Variants in KCNQ1 observed in about 807,000 individuals in gnomAD.
The protein encoded by KCNQ1 is potassium voltage-gated channel subfamily Q member 1.
A neutral mutation model predicts 72.4 loss-of-function variants in KCNQ1; 49 were observed. That is an observed-to-expected ratio of 0.68 (90% CI 0.54 to 0.86). The LOEUF (loss-of-function observed/expected upper bound fraction) is 0.86. Among genes scored for constraint, KCNQ1 ranks in the 40% least tolerant of loss-of-function variants. KCNQ1 has a pLI of 0.00. For missense variants in KCNQ1, 790 were observed against 945.1 expected, an observed-to-expected ratio of 0.84 and a Z score of 2.15; for synonymous variants, 450 against 412.6, an observed-to-expected ratio of 1.09 and a Z score of -1.10.
At chr11:2,708,320 G>T (rs1299026427) in intron 11 of KCNQ1, among the ~76,000 whole-genome samples, 1 of 152,208 alleles carries the variant, frequency 6.6e-6, no homozygotes, top group African/African-American at 2.4e-5. Context: ...TGGCATGGCT[G>T]AGCGGAACTT....
chr11:2,693,144 C>G, intron 11 of KCNQ1: 1 of 398,684 alleles, frequency 2.5e-6, no homozygotes, highest in Non-Finnish European at 4.4e-6. Context: ...CCAGATAGCC[C>G]TCAGTCTACA....
At chr11:2,575,908 G>A (rs988278855) in intron 6 of KCNQ1, among the ~76,000 whole-genome samples, 1 of 152,238 alleles carries the variant, frequency 6.6e-6, no homozygotes, top group African/African-American at 2.4e-5. Flanking sequence ...AGCGAGGTGT[G>A]CACAGGGCCT....
At chr11:2,503,131 T>C (rs766262337) in intron 1 of KCNQ1, among the ~76,000 whole-genome samples, 5 of 152,184 alleles carry the variant, frequency 3.3e-5, no homozygotes, top group Non-Finnish European at 7.3e-5. Context: ...GGGCAAAGAC[T>C]GCTTGAGTAA....
At chr11:2,633,802 T>C (rs1039537682) in intron 10 of KCNQ1, 5 of 398,504 alleles carry the variant, frequency 1.3e-5, no homozygotes, top group Non-Finnish European at 2.2e-5. Flanking sequence ...CGAGACCCCC[T>C]GTATATACCA....
At chr11:2,797,240 GCCCCAGC>G (rs1343382734) in intron 15 of KCNQ1, among the ~76,000 whole-genome samples, 4 of 152,148 alleles carry the variant, frequency 2.6e-5, no homozygotes, top group East Asian at 1.9e-4. Context: ...GGCAGCGCTG[GCCCCAGC>G]CCCCAGCTCC....
chr11:2,610,310 T>C (rs1461106518), intron 10 of KCNQ1: 1 of 398,036 alleles, frequency 2.5e-6, no homozygotes, highest in Non-Finnish European at 4.4e-6. Context: ...GTGGTATTGT[T>C]ACATATATTA....
In KCNQ1 at chr11:2,445,160, C is replaced by T. The variant is rs1589884196; in HGVS notation, c.62C>T (p.Pro21Leu). The T allele has an allele frequency of 9.7e-6, 11 of 1,137,032 alleles. No individual in the cohort carries two copies. Among genetic ancestry groups the T allele is most frequent in the Non-Finnish European group, 1.1e-5 (10 of 924,006 alleles). 70.4% of individuals were successfully genotyped at this position (1,137,032 alleles called of 1,614,324 possible). A position where few individuals can be genotyped will look rare whatever the true frequency, so the allele number is the denominator to read the frequency against. The change falls in exon 1 of 16, where the codon CCA (proline) becomes CTA (leucine). Residue 21 changes from proline (P) to leucine (L), a missense_variant. Around this residue, in one of 5 missense-constraint regions of KCNQ1, gnomAD observed 294 missense variants for 323.3 expected, o/e 0.91. Transcript: ENST00000155840. The part of the protein sequence containing the change: ...ERKRWGWGRL[P>L]GARRGSAGLA... ...AAGCGCTGGGGTTGGGGCCGCCTGC[C>T]AGGCGCCCGGCGGGGCAGCGCGGGC...
At chr11:2,810,813 A>G (rs1221876318) in intron 15 of KCNQ1, among the ~76,000 whole-genome samples, 1 of 152,186 alleles carries the variant, frequency 6.6e-6, no homozygotes, top group African/African-American at 2.4e-5. Flanking sequence ...GAGGAACCCC[A>G]TATGTTAGAG....
rs1055413401 is a variant in KCNQ1, at chr11:2,766,039, C to G, written c.1515-2805C>G. ...TCACAGCTATTCTTTTCTACTCTGT[C>G]GTCCCTGCTATCCAACTCACCTATT... On this transcript the variant is annotated intron_variant, in intron 11 of 15. Transcript: ENST00000155840. This position sits in a 1 kb window ranked among gnomAD's most constrained non-coding sequence, Gnocchi z 4.4. Among the ~76,000 whole-genome samples, 1 of 152,120 alleles carries G rather than the reference C, an allele frequency of 6.6e-6. No homozygotes were observed. Among genetic ancestry groups the G allele is most frequent in the Non-Finnish European group, 1.5e-5 (1 of 68,020 alleles).
intron 11 of KCNQ1, among the ~76,000 whole-genome samples, chr11:2,709,532 G>A (rs763556931): frequency 5.9e-5 from 9 of 152,132 alleles, no homozygotes; most frequent in Non-Finnish European, 1.2e-4. Context: ...ACGATTCAAC[G>A]GTTTTTAGTA....
At chr11:2,574,803 C>T (rs889493152) in intron 6 of KCNQ1, among the ~76,000 whole-genome samples, 1 of 152,214 alleles carries the variant, frequency 6.6e-6, no homozygotes, top group African/African-American at 2.4e-5. Context: ...CATGCTGACA[C>T]AGCTCCTGGG....
At chr11:2,511,035 T>C (rs1007400823) in intron 1 of KCNQ1, among the ~76,000 whole-genome samples, 1 of 152,072 alleles carries the variant, frequency 6.6e-6, no homozygotes, top group Admixed American at 6.6e-5. Context: ...TCCCCATTGG[T>C]GGTGGTTTTA....
rs375384279 is a variant in KCNQ1, at chr11:2,671,872, G to A, written c.1514+9791G>A. 1.5e-5 allele frequency: 6 copies of A among 398,722 alleles called. No individual in the cohort carries two copies. The highest frequency in any genetic ancestry group is 7.1e-5 in the East Asian group (2 of 28,082). The allele number at this position is 398,722 out of a possible 1,614,324, so 24.7% of individuals were successfully genotyped here. On this transcript the variant is annotated intron_variant, in intron 11 of 15. Transcript: ENST00000155840. The surrounding 1 kb of genome is among the most constrained non-coding windows in gnomAD (Gnocchi z 4.7). ...CTGCCCCAGGGAGCCAAGCCCTGGA[G>A]AGGAGGTGGGCAGCACCAGGCAGCC...
rs1182992364 is a variant in KCNQ1, at chr11:2,746,500, C to T, written c.1515-22344C>T. On this transcript the variant is annotated intron_variant, in intron 11 of 15. Transcript: ENST00000155840. This position sits in a 1 kb window ranked among gnomAD's most constrained non-coding sequence, Gnocchi z 5.9. ...GGGCTCCTCTGGGCGGTGACTGTTTCCCAGGCTCTCCTTGTTGGTGGTGAC... is the reference window on the plus strand; with the variant it reads ...GGGCTCCTCTGGGCGGTGACTGTTTTCCAGGCTCTCCTTGTTGGTGGTGAC... Among the ~76,000 whole-genome samples the T allele has an allele frequency of 1.3e-5, 2 of 152,154 alleles. No homozygotes were observed. The highest frequency in any genetic ancestry group is 2.9e-5 in the Non-Finnish European group (2 of 68,014).
intron 2 of KCNQ1, among the ~76,000 whole-genome samples, chr11:2,558,285 G>A (rs781705975): frequency 1.3e-5 from 2 of 152,258 alleles, no homozygotes; most frequent in African/African-American, 2.4e-5. Flanking sequence ...CCCCCACGTG[G>A]ATTGAAATTC....
chr11:2,669,661 A>G lies in KCNQ1; in HGVS notation c.1514+7580A>G, dbSNP rs1850146093. 1 of 398,592 alleles carries G rather than the reference A, an allele frequency of 2.5e-6. No individual in the cohort carries two copies. Among genetic ancestry groups the G allele is most frequent in the Non-Finnish European group, 4.4e-6 (1 of 226,070 alleles). 24.7% of individuals were successfully genotyped at this position (398,592 alleles called of 1,614,324 possible). On this transcript the variant is annotated intron_variant, in intron 11 of 15. Coordinates refer to ENST00000155840, the MANE Select transcript of KCNQ1 (RefSeq NM_000218.3). This position sits in a 1 kb window ranked among gnomAD's most constrained non-coding sequence, Gnocchi z 5.6. ...CTTGTATACATTGGGAGTATATCTCACAGTATTAGTGTAAGGCCTTGAGGA... is the reference window on the plus strand; with the variant it reads ...CTTGTATACATTGGGAGTATATCTCGCAGTATTAGTGTAAGGCCTTGAGGA...
chr11:2,465,817 C>T (rs1044085615), intron 1 of KCNQ1, among the ~76,000 whole-genome samples: 1 of 152,228 alleles, frequency 6.6e-6, no homozygotes, highest in Non-Finnish European at 1.5e-5. Context: ...CACGGCTCCC[C>T]TTGGGCCTTG....
At position 2,687,568 on chromosome 11, in the gene KCNQ1, C is replaced by T. The variant is rs1850512169; in HGVS notation, c.1514+25487C>T. The T allele has an allele frequency of 2.5e-6, 1 of 398,714 alleles. No homozygotes were observed. Among genetic ancestry groups the T allele is most frequent in the East Asian group, 3.6e-5 (1 of 28,080 alleles). 24.7% of individuals were successfully genotyped at this position (398,714 alleles called of 1,614,324 possible). A position where few individuals can be genotyped will look rare whatever the true frequency, so the allele number is the denominator to read the frequency against. ...ACCTACCACAGCCCACTCTGATGAC[C>T]CCCTGTCAAGGAGGTGTGACTGAGA... On this transcript the variant is annotated intron_variant, in intron 11 of 15. Coordinates refer to ENST00000155840, the MANE Select transcript of KCNQ1 (RefSeq NM_000218.3). This position sits in a 1 kb window ranked among gnomAD's most constrained non-coding sequence, Gnocchi z 5.0.
At chr11:2,730,640 C>T (rs999864319) in intron 11 of KCNQ1, among the ~76,000 whole-genome samples, 1 of 152,198 alleles carries the variant, frequency 6.6e-6, no homozygotes, top group Non-Finnish European at 1.5e-5. Context: ...TGTCCCTAGG[C>T]ATCCAGTGCA....
Sources: gnomAD v4.1 joint callset for allele counts (sites outside exome capture counted in the v4.1 genomes callset) on GRCh38, gnomAD v4.1.1 for gene constraint, gnomAD v4.1.1 regional missense constraint, Gnocchi (gnomAD v3.1) non-coding constraint, MANE v1.5 for transcripts, NCBI Gene and HGNC (gene_info 2026-07-23, HGNC 2026-07-21) for gene names.